The following LRRC15 variants were observed in gnomAD, a reference collection of about 807,000 sequenced individuals.
LRRC15 encodes the protein leucine rich repeat containing 15.
LRRC15 carries 5 observed loss-of-function variants against 4.3 expected under a neutral mutation model. The ratio of observed to expected loss-of-function variants is 1.16; its 90% confidence interval spans 0.61 to 2.44. The LOEUF is 2.44. Ranked by LOEUF, LRRC15 falls within the 30% of genes most tolerant of loss-of-function variation. LRRC15 has a pLI of 0.01. For missense variants in LRRC15, 769 were observed against 747.0 expected (o/e 1.03, Z -0.34); for synonymous variants, 337 against 323.2 (o/e 1.04, Z -0.46).
intron 1 of LRRC15, among the ~76,000 whole-genome samples, chr3:194,367,209 G>C (rs1329204566): frequency 6.6e-6 from 1 of 152,192 alleles, no homozygotes; most frequent in Non-Finnish European, 1.5e-5. Flanking sequence ...TCACCAGAAG[G>C]TGTTGACCCC....
rs376713863 is a variant in LRRC15 at position 194,359,825 on chromosome 3, C to T, written c.1219G>A (p.Gly407Ser). 9.9e-6 allele frequency: 16 copies of T among 1,614,018 alleles called. No individual in the cohort carries two copies. Among genetic ancestry groups the T allele is most frequent in the Middle Eastern group, 1.6e-4 (1 of 6,062 alleles). The change falls in exon 2 of 2, where the codon GGC becomes AGC. Residue 407 changes from glycine to serine, a missense_variant. Coordinates refer to ENST00000347624, the MANE Select transcript of LRRC15 (RefSeq NM_130830.5). ...AGTTTCCCCAGGTGATCGAAGATGCCGAGGGGCAAGTTCTCCAGCTGGTTG... is the reference window on the plus strand; with the variant it reads ...AGTTTCCCCAGGTGATCGAAGATGCTGAGGGGCAAGTTCTCCAGCTGGTTG... ...QNNQLENLPLGIFDHLGKLCE... is the reference protein window; with the variant it reads ...QNNQLENLPLSIFDHLGKLCE...
In LRRC15 at chr3:194,360,792, A is replaced by G. The variant is rs767968232; in HGVS notation, c.252T>C (p.Ile84=). ...TGATGCGCGACAGCTCATTCTTCTC[A>G]ATCCTCAGGGCGATGAGGGCTGAGA... ...LNISALIALR[I]EKNELSRITP... The change falls in exon 2 of 2, where the codon ATT becomes ATC. Residue 84 remains isoleucine (I), a synonymous_variant. Coordinates refer to ENST00000347624, the MANE Select transcript of LRRC15 (RefSeq NM_130830.5). 1.2e-6 allele frequency: 2 copies of G among 1,614,236 alleles called. No individual in the cohort carries two copies.
intron 1 of LRRC15, among the ~76,000 whole-genome samples, chr3:194,367,708 A>G (rs1713822113): frequency 6.6e-6 from 1 of 152,222 alleles, no homozygotes; most frequent in Non-Finnish European, 1.5e-5. Flanking sequence ...TGATTTGGGA[A>G]TACTCCACCC....
At position 194,358,891 on chromosome 3, in the gene LRRC15, G is replaced by A. The variant is rs757536312; in HGVS notation, c.*407C>T. The A allele has an allele frequency of 1.2e-5, 2 of 169,114 alleles. No homozygotes were observed. Among genetic ancestry groups the A allele is most frequent in the Non-Finnish European group, 2.6e-5 (2 of 77,988 alleles). 10.5% of individuals were successfully genotyped at this position (169,114 alleles called of 1,614,324 possible). A position where few individuals can be genotyped will look rare whatever the true frequency, so the allele number is the denominator to read the frequency against. On this transcript the variant is annotated 3_prime_UTR_variant, in exon 2 of 2. Coordinates refer to ENST00000347624, the MANE Select transcript of LRRC15 (RefSeq NM_130830.5). ...ACTTACATAATACTTAGGCGAGAGG[G>A]GCTATCTCAGCGGAGAACTATTCCC...
rs1007485039 is a variant in LRRC15, at chr3:194,366,751, G to C, written c.-4+2910C>G. On this transcript the variant is annotated intron_variant, in intron 1 of 1. Coordinates refer to ENST00000347624, the MANE Select transcript of LRRC15 (RefSeq NM_130830.5). ...CCAGAAACGGTACTTAGAGCCTGGAGCATCAGAGGTGCAAGAGCTTTCTGA... is the reference window on the plus strand; with the variant it reads ...CCAGAAACGGTACTTAGAGCCTGGACCATCAGAGGTGCAAGAGCTTTCTGA... 3.3e-5 allele frequency among the ~76,000 whole-genome samples: 5 copies of C among 152,212 alleles called. No individual in the cohort carries two copies. The South Asian group carries it at 1.0e-3, about 32-fold the overall frequency.
At position 194,355,875 on chromosome 3, in the gene LRRC15, T is replaced by C. The variant is rs1460748886; in HGVS notation, c.*3423A>G. Reference sequence around the variant, plus strand: ...TTCTAAGGAGGAAGAACAATATACATACAGCCCAATTCCCATGAGAGGGAC... The same window carrying C: ...TTCTAAGGAGGAAGAACAATATACACACAGCCCAATTCCCATGAGAGGGAC... On this transcript the variant is annotated 3_prime_UTR_variant, in exon 2 of 2. Coordinates refer to ENST00000347624, the MANE Select transcript of LRRC15 (RefSeq NM_130830.5). 6.6e-6 allele frequency: 1 copy of C among 152,190 alleles called. No individual in the cohort carries two copies. Among genetic ancestry groups the C allele is most frequent in the Non-Finnish European group, 1.5e-5 (1 of 68,022 alleles). 9.4% of individuals were successfully genotyped at this position (152,190 alleles called of 1,614,324 possible). A position where few individuals can be genotyped will look rare whatever the true frequency, so the allele number is the denominator to read the frequency against.
chr3:194,367,787 G>A (rs920708247), intron 1 of LRRC15, among the ~76,000 whole-genome samples: 14 of 152,362 alleles, frequency 9.2e-5, no homozygotes, highest in Middle Eastern at 3.4e-3. Context: ...TTGATCAAGC[G>A]GGGACCCGCG....
chr3:194,361,668 G>A (rs1162834276), intron 1 of LRRC15, among the ~76,000 whole-genome samples: 2 of 152,186 alleles, frequency 1.3e-5, no homozygotes, highest in African/African-American at 2.4e-5. Flanking sequence ...GTAGCCTGCC[G>A]GGAGGTGCAG....
In LRRC15 at chr3:194,359,949, G is replaced by A. The variant is rs527933263; in HGVS notation, c.1095C>T (p.Ala365=). 5.3e-5 allele frequency: 86 copies of A among 1,614,198 alleles called. 1 individual carries two copies. The South Asian group carries it at 8.7e-4, about 16-fold the overall frequency. Residue 365 remains alanine (A), a synonymous_variant, in exon 2 of 2, where the codon GCC becomes GCT. Coordinates refer to ENST00000347624, the MANE Select transcript of LRRC15 (RefSeq NM_130830.5). The part of the protein sequence containing the change: ...DLDGNVFRML[A]NLQNISLQNN... ...TCTGCAGGGAGATGTTCTGCAGGTTGGCCAACATGCGGAAGACGTTCCCGT... is the reference window on the plus strand; with the variant it reads ...TCTGCAGGGAGATGTTCTGCAGGTTAGCCAACATGCGGAAGACGTTCCCGT...
In LRRC15 at chr3:194,359,280, C is replaced by T; in HGVS notation, c.*18G>A. The T allele has an allele frequency of 6.5e-7, 1 of 1,531,682 alleles. No homozygotes were observed. Among genetic ancestry groups the T allele is most frequent in the Non-Finnish European group, 8.8e-7 (1 of 1,138,480 alleles). The allele number at this position is 1,531,682 out of a possible 1,614,324, so 94.9% of individuals were successfully genotyped here. A position where few individuals can be genotyped will look rare whatever the true frequency, so the allele number is the denominator to read the frequency against. ...CCTCCAGTCCCATCATTCCCCAGCC[C>T]TGCTCCAGCCTGCCTCTTTAACACT... On this transcript the variant is annotated 3_prime_UTR_variant, in exon 2 of 2. Coordinates refer to ENST00000347624, the MANE Select transcript of LRRC15 (RefSeq NM_130830.5).
At chr3:194,361,886 A>G (rs1031988209) in intron 1 of LRRC15, among the ~76,000 whole-genome samples, 2 of 152,188 alleles carry the variant, frequency 1.3e-5, no homozygotes, top group African/African-American at 4.8e-5. Flanking sequence ...TGTCTGCACC[A>G]TGTCCTGCCT....
At chr3:194,366,411 G>A (rs1388060932) in intron 1 of LRRC15, among the ~76,000 whole-genome samples, 3 of 152,252 alleles carry the variant, frequency 2.0e-5, no homozygotes, top group East Asian at 1.9e-4. Context: ...GACTCCACCC[G>A]CAGAGATCCT....
rs1713523026 is a variant in LRRC15, at chr3:194,359,256, C to T, written c.*42G>A. The stretch of plus-strand genomic sequence containing the variant: ...GGCAGAAAGATGAAATTCCCAGGTC[C>T]TCCAGTCCCATCATTCCCCAGCCCT... On this transcript the variant is annotated 3_prime_UTR_variant, in exon 2 of 2. Transcript: ENST00000347624. The T allele has an allele frequency of 3.3e-6, 5 of 1,502,446 alleles. No individual in the cohort carries two copies. Among genetic ancestry groups the T allele is most frequent in the South Asian group, 1.3e-5 (1 of 74,380 alleles). 93.1% of individuals were successfully genotyped at this position (1,502,446 alleles called of 1,614,324 possible).
At chr3:194,364,150 T>A (rs1713712467) in intron 1 of LRRC15, among the ~76,000 whole-genome samples, 1 of 152,164 alleles carries the variant, frequency 6.6e-6, no homozygotes, top group Non-Finnish European at 1.5e-5. Context: ...GGTAGGGTAT[T>A]GGACTGGAAG....
chr3:194,361,212 G>T (rs1322220950), intron 1 of LRRC15, among the ~76,000 whole-genome samples, 166 bp from the exon 2 acceptor site: 1 of 152,214 alleles, frequency 6.6e-6, no homozygotes, highest in African/African-American at 2.4e-5. Context: ...CTGCACCTTT[G>T]CCCTGCCTTT....
chr3:194,359,277 G>T lies in LRRC15; in HGVS notation c.*21C>A, dbSNP rs775761295. Reference sequence around the variant, plus strand: ...GGTCCTCCAGTCCCATCATTCCCCAGCCCTGCTCCAGCCTGCCTCTTTAAC... The same window carrying T: ...GGTCCTCCAGTCCCATCATTCCCCATCCCTGCTCCAGCCTGCCTCTTTAAC... On this transcript the variant is annotated 3_prime_UTR_variant, in exon 2 of 2. Transcript: ENST00000347624. 1 of 1,529,926 alleles carries T rather than the reference G, an allele frequency of 6.5e-7. No homozygotes were observed. Among genetic ancestry groups the T allele is most frequent in the South Asian group, 1.3e-5 (1 of 77,018 alleles). The allele number at this position is 1,529,926 out of a possible 1,614,324, so 94.8% of individuals were successfully genotyped here.
At position 194,360,951 on chromosome 3, in the gene LRRC15, G is replaced by A. The variant is rs1301381804; in HGVS notation, c.93C>T (p.Cys31=). Residue 31 remains cysteine, a synonymous_variant, in exon 2 of 2, where the codon TGC becomes TGT. Coordinates refer to ENST00000347624, the MANE Select transcript of LRRC15 (RefSeq NM_130830.5). ...TGCACTCCACCTGGGAGGCCCTGGA[G>A]CAGGTACACTCGCTAGGGCAGCCAT... ...AYHGCPSECT[C]SRASQVECTG... is the part of the protein sequence containing the mutation. 21 of 1,588,150 alleles carry A rather than the reference G, an allele frequency of 1.3e-5. No homozygotes were observed. The highest frequency in any genetic ancestry group is 1.8e-5 in the Non-Finnish European group (21 of 1,169,856).
intron 1 of LRRC15, among the ~76,000 whole-genome samples, chr3:194,363,961 C>T (rs1043185915): frequency 6.6e-6 from 1 of 152,182 alleles, no homozygotes; most frequent in African/African-American, 2.4e-5. Flanking sequence ...ACAGAAAGAA[C>T]CTAGCTCAGT....
In LRRC15 at chr3:194,358,661, T is replaced by A. The variant is rs1457691506; in HGVS notation, c.*637A>T. 1.3e-5 allele frequency: 2 copies of A among 152,512 alleles called. No individual in the cohort carries two copies. The highest frequency in any genetic ancestry group is 2.9e-5 in the Non-Finnish European group (2 of 68,002). The allele number at this position is 152,512 out of a possible 1,614,324, so 9.4% of individuals were successfully genotyped here. A position where few individuals can be genotyped will look rare whatever the true frequency, so the allele number is the denominator to read the frequency against. ...TTCTGTCTCCAGGAACTGAGCGGCA[T>A]GATTTTCCTTCTCTCTTTCATAGCA... On this transcript the variant is annotated 3_prime_UTR_variant, in exon 2 of 2. Transcript: ENST00000347624.
Sources: gnomAD v4.1 joint callset for allele counts (sites outside exome capture counted in the v4.1 genomes callset) on GRCh38, gnomAD v4.1.1 for gene constraint, MANE v1.5 for transcripts, NCBI Gene and HGNC (gene_info 2026-07-23, HGNC 2026-07-21) for gene names.